The following CSRNP2 variants were observed in gnomAD, a reference collection of about 807,000 sequenced individuals.
The protein encoded by CSRNP2 is cysteine/serine-rich nuclear protein 2.
A neutral mutation model predicts 36.6 loss-of-function variants in CSRNP2; 11 were observed. That is an observed-to-expected ratio of 0.30 (90% CI 0.19 to 0.50). The LOEUF is 0.50. CSRNP2 is among the 20% of genes least tolerant of loss of function. The probability of loss-of-function intolerance (pLI) is 0.98; values close to 1 mark genes in which losing one functional copy is unlikely to be tolerated. For synonymous variants in CSRNP2, 248 were observed against 275.3 expected (o/e 0.90, Z 0.98); for missense variants, 483 against 691.4 (o/e 0.70, Z 3.38).
At chr12:51,074,982 T>A (rs912170305) in intron 2 of CSRNP2, among the ~76,000 whole-genome samples, 5 of 151,938 alleles carry the variant, frequency 3.3e-5, no homozygotes, top group African/African-American at 1.2e-4. Context: ...GGAGAATCAC[T>A]TGAACCTGGG....
intron 3 of CSRNP2, among the ~76,000 whole-genome samples, chr12:51,072,735 T>G (rs988632280): frequency 6.6e-6 from 1 of 152,164 alleles, no homozygotes; most frequent in African/African-American, 2.4e-5. Flanking sequence ...TCTACAAGAT[T>G]ATCACGTAAG....
chr12:51,081,817 AAAACAAACAAAC>A (rs139244355), intron 1 of CSRNP2, among the ~76,000 whole-genome samples: 1 of 150,676 alleles, frequency 6.6e-6, no homozygotes, highest in African/African-American at 2.4e-5. Context: ...TATAACCACC[AAAACAAACAAAC>A]AAACAAACAA....
chr12:51,061,231 C>T lies in CSRNP2; in HGVS notation c.*2515G>A, dbSNP rs948760810. 2 of 152,396 alleles carry T rather than the reference C, an allele frequency of 1.3e-5. No individual in the cohort carries two copies. Among genetic ancestry groups the T allele is most frequent in the South Asian group, 4.2e-4 (2 of 4,814 alleles). 9.4% of individuals were successfully genotyped at this position (152,396 alleles called of 1,614,324 possible). The stretch of plus-strand genomic sequence containing the variant: ...TCTTTTGAATATTTCTTTAATATTA[C>T]ATTTAAATATTCTCTTTAAATACAG... On this transcript the variant is annotated 3_prime_UTR_variant, in exon 5 of 5. Transcript: ENST00000228515.
At chr12:51,078,573 T>C (rs1281834272) in intron 1 of CSRNP2, among the ~76,000 whole-genome samples, 1 of 152,106 alleles carries the variant, frequency 6.6e-6, no homozygotes, top group African/African-American at 2.4e-5. Context: ...GGTTTAAAGA[T>C]ACCGATCAAC....
chr12:51,070,692 G>T (rs745652406), intron 3 of CSRNP2, among the ~76,000 whole-genome samples: 8 of 152,104 alleles, frequency 5.3e-5, no homozygotes, highest in Non-Finnish European at 1.2e-4. Flanking sequence ...TACAAAAAAT[G>T]AAATAAAAAT....
intron 3 of CSRNP2, among the ~76,000 whole-genome samples, chr12:51,071,362 T>C (rs1460321914): frequency 2.0e-5 from 3 of 151,414 alleles, no homozygotes; most frequent in African/African-American, 4.9e-5. Context: ...CGCTTGAGGA[T>C]TGCCTCTGTG....
chr12:51,076,018 TC>T (rs1939383966), intron 2 of CSRNP2, among the ~76,000 whole-genome samples: 1 of 152,014 alleles, frequency 6.6e-6, no homozygotes, highest in African/African-American at 2.4e-5. Flanking sequence ...GCCACTGCAC[TC>T]CAGCCTGGGC....
chr12:51,075,609 C>G (rs1248243284), intron 2 of CSRNP2, among the ~76,000 whole-genome samples: 1 of 152,218 alleles, frequency 6.6e-6, no homozygotes, highest in African/African-American at 2.4e-5. Flanking sequence ...TGCAATAATT[C>G]AACTCTGCCA....
At chr12:51,083,248 T>G (rs1939711971) in intron 1 of CSRNP2, 91 bp downstream of exon 1, 1 of 152,668 alleles carries the variant, frequency 6.6e-6, no homozygotes, top group Admixed American at 6.5e-5. Context: ...CGCACGGCTC[T>G]GGGCTTGACC....
chr12:51,080,012 G>A (rs1939564459), intron 1 of CSRNP2, among the ~76,000 whole-genome samples: 2 of 140,254 alleles, frequency 1.4e-5, no homozygotes, highest in African/African-American at 5.2e-5. Flanking sequence ...GGCGGAAGTT[G>A]CAGTGAGCTG....
intron 3 of CSRNP2, 139 bp downstream of exon 3, chr12:51,073,684 C>G: frequency 2.3e-6 from 2 of 864,272 alleles, no homozygotes; most frequent in Non-Finnish European, 1.8e-6. Flanking sequence ...TAATATCATG[C>G]CAGTGCACTC....
intron 2 of CSRNP2, among the ~76,000 whole-genome samples, chr12:51,075,984 G>A (rs1939381931): frequency 6.6e-6 from 1 of 152,174 alleles, no homozygotes; most frequent in Non-Finnish European, 1.5e-5. Flanking sequence ...CCGGCAGGCA[G>A]AGGTTGCAGT....
At chr12:51,081,817 AAAACAAAC>A (rs139244355) in intron 1 of CSRNP2, among the ~76,000 whole-genome samples, 23 of 150,786 alleles carry the variant, frequency 1.5e-4, no homozygotes, top group South Asian at 4.2e-4. Flanking sequence ...TATAACCACC[AAAACAAAC>A]AAACAAACAA....
In CSRNP2 at chr12:51,062,989, T is replaced by TA. The variant is rs564208686; in HGVS notation, c.*756dup. The TA allele has an allele frequency of 1.1e-3, 163 of 152,372 alleles. No homozygotes were observed. Among genetic ancestry groups the TA allele is most frequent in the African/African-American group, 3.7e-3 (154 of 41,568 alleles). 9.4% of individuals were successfully genotyped at this position (152,372 alleles called of 1,614,324 possible). A position where few individuals can be genotyped will look rare whatever the true frequency, so the allele number is the denominator to read the frequency against. On this transcript the variant is annotated 3_prime_UTR_variant, in exon 5 of 5. Transcript: ENST00000228515. ...ACACGTACAGAAGGCTCAGGCTCGT[T>TA]ATACCATATCCCCAGCCAATCCAGC...
At chr12:51,079,635 TG>T (rs1443497275) in intron 1 of CSRNP2, among the ~76,000 whole-genome samples, 1 of 147,622 alleles carries the variant, frequency 6.8e-6, no homozygotes, top group Non-Finnish European at 1.5e-5. Context: ...TAGCCAGGCG[TG>T]GTGGCACATG....
chr12:51,072,336 G>T (rs1363185603), intron 3 of CSRNP2, among the ~76,000 whole-genome samples: 1 of 151,992 alleles, frequency 6.6e-6, no homozygotes, highest in African/African-American at 2.4e-5. Context: ...GAGGTGGGCA[G>T]ATCACGAGGT....
In CSRNP2 at chr12:51,067,910, C is replaced by T. The variant is rs1373491736; in HGVS notation, c.471G>A (p.Val157=). The T allele has an allele frequency of 6.8e-6, 11 of 1,614,078 alleles. No homozygotes were observed. Among genetic ancestry groups the T allele is most frequent in the African/African-American group, 1.3e-5 (1 of 74,914 alleles). ...TTTCCACATCAATATCTTCATCTGA[C>T]ACATCATCCAGCGTCAGGCCATCAG... ...VEADGLTLDD[V]SDEDIDVENV... is the part of the protein sequence containing the mutation. Residue 157 remains valine (V), a synonymous_variant, in exon 4 of 5, where the codon GTG becomes GTA. Coordinates refer to ENST00000228515, the MANE Select transcript of CSRNP2 (RefSeq NM_030809.3). This position sits in a 1 kb window ranked among gnomAD's most constrained non-coding sequence, Gnocchi z 4.1.
Position 51,067,948 on chromosome 12 carries a change from C to T in CSRNP2, c.433G>A (p.Glu145Lys). The change falls in exon 4 of 5, where the codon GAG becomes AAG. Residue 145 changes from glutamate to lysine, a missense_variant. By Grantham distance (56) the Glu-to-Lys change is moderately conservative (BLOSUM62 1). Coordinates refer to ENST00000228515, the MANE Select transcript of CSRNP2 (RefSeq NM_030809.3). This position sits in a 1 kb window ranked among gnomAD's most constrained non-coding sequence, Gnocchi z 4.1. ...KMKLTKNGTV[E>K]SVEADGLTLD... Reference sequence around the variant, plus strand: ...GTCAGGCCATCAGCCTCCACCGACTCCACTGTCCCATTCTTGGTCAGCTGC... The same window carrying T: ...GTCAGGCCATCAGCCTCCACCGACTTCACTGTCCCATTCTTGGTCAGCTGC... 1 of 1,614,000 alleles carries T rather than the reference C, an allele frequency of 6.2e-7. No homozygotes were observed. Among genetic ancestry groups the T allele is most frequent in the East Asian group, 2.2e-5 (1 of 44,874 alleles).
chr12:51,064,725 G>C lies in CSRNP2; in HGVS notation c.709-56C>G, dbSNP rs1416597287. 7 of 1,417,574 alleles carry C rather than the reference G, an allele frequency of 4.9e-6. No homozygotes were observed. The South Asian group carries it at 5.1e-5, about 10-fold the overall frequency. 87.8% of individuals were successfully genotyped at this position (1,417,574 alleles called of 1,614,324 possible). Reference sequence around the variant, plus strand: ...TGAGACCTACAATCCTAACAATGGAGACAGGAGACATGAGCTGGCAAACAG... The same window carrying C: ...TGAGACCTACAATCCTAACAATGGACACAGGAGACATGAGCTGGCAAACAG... On this transcript the variant is annotated intron_variant, in intron 4 of 4. Coordinates refer to ENST00000228515, the MANE Select transcript of CSRNP2 (RefSeq NM_030809.3).
Sources: allele counts gnomAD v4.1 joint callset (sites outside exome capture counted in the v4.1 genomes callset), GRCh38; gene constraint gnomAD v4.1.1; non-coding constraint Gnocchi (gnomAD v3.1); transcripts MANE v1.5; gene names NCBI Gene and HGNC (gene_info 2026-07-23, HGNC 2026-07-21).